Variants in SHROOM3 observed in about 807,000 individuals in gnomAD.
SHROOM3 encodes the protein protein Shroom3.
In SHROOM3, 47 loss-of-function variants were observed where a neutral mutation model predicts 138.6. The ratio of observed to expected loss-of-function variants is 0.34; its 90% CI spans 0.27 to 0.43. The LOEUF (loss-of-function observed/expected upper bound fraction) is 0.43, where lower values mean the gene tolerates loss of function less well. Among genes scored for constraint, SHROOM3 ranks in the 20% least tolerant of loss-of-function variants. The pLI, the probability that SHROOM3 is intolerant of heterozygous loss-of-function variation, is 1.00. For synonymous variants in SHROOM3, 1,062 were observed against 1,063.3 expected, an observed-to-expected ratio of 1.00 and a Z score of 0.02; for missense variants, 2,491 against 2,596.5, an observed-to-expected ratio of 0.96 and a Z score of 0.88.
intron 2 of SHROOM3, among the ~76,000 whole-genome samples, chr4:76,620,070 C>CAAAAAAA (rs68039696): frequency 2.8e-4 from 17 of 61,050 alleles, no homozygotes; most frequent in Admixed American, 1.1e-3. Context: ...GAATCTATCT[C>CAAAAAAA]AAAAAAAAAA....
At chr4:76,711,918 G>A (rs1720240698) in intron 3 of SHROOM3, among the ~76,000 whole-genome samples, 1 of 152,000 alleles carries the variant, frequency 6.6e-6, no homozygotes, top group Non-Finnish European at 1.5e-5. Flanking sequence ...TGAGAGTCAG[G>A]CCAAGAACAG....
At chr4:76,652,441 C>A (rs544197752) in intron 2 of SHROOM3, among the ~76,000 whole-genome samples, 1 of 152,190 alleles carries the variant, frequency 6.6e-6, no homozygotes, top group East Asian at 1.9e-4. Context: ...CTGTCATGCA[C>A]CCATCTCCAA....
At chr4:76,513,762 C>T (rs972404054) in intron 1 of SHROOM3, among the ~76,000 whole-genome samples, 1 of 152,176 alleles carries the variant, frequency 6.6e-6, no homozygotes, top group Non-Finnish European at 1.5e-5. Flanking sequence ...ATATCTCTGA[C>T]CTTAGCTGGC....
At chr4:76,650,578 T>C (rs1315617446) in intron 2 of SHROOM3, among the ~76,000 whole-genome samples, 1 of 151,754 alleles carries the variant, frequency 6.6e-6, no homozygotes, top group East Asian at 1.9e-4. Flanking sequence ...GGAGTCTTGC[T>C]CTGTCACCCA....
intron 5 of SHROOM3, among the ~76,000 whole-genome samples, chr4:76,746,817 T>TATG: frequency 7.1e-6 from 1 of 141,360 alleles, no homozygotes; most frequent in Non-Finnish European, 1.5e-5. Flanking sequence ...TTATTATTAT[T>TATG]ATTATTATTA....
At chr4:76,681,644 G>GT (rs1719204010) in intron 2 of SHROOM3, among the ~76,000 whole-genome samples, 1 of 19,682 alleles carries the variant, frequency 5.1e-5, no homozygotes, top group Non-Finnish European at 9.7e-5. Flanking sequence ...TATGTGTCTG[G>GT]ATGAGATTGA....
chr4:76,721,570 G>T (rs4859458), intron 3 of SHROOM3, among the ~76,000 whole-genome samples: 49,955 of 151,966 alleles, frequency 0.33, 9,631 homozygotes, highest in East Asian at 0.53. Context: ...TGAGAAGGGG[G>T]TCTCAGTTTT....
At chr4:76,631,203 C>CT (rs71212436) in intron 2 of SHROOM3, among the ~76,000 whole-genome samples, 1,761 of 104,102 alleles carry the variant, frequency 0.017, 109 homozygotes, top group African/African-American at 0.056. Flanking sequence ...TTTTTTTAAT[C>CT]TTTTTTTTTT....
intron 2 of SHROOM3, among the ~76,000 whole-genome samples, chr4:76,591,342 C>T (rs1349755918): frequency 1.3e-5 from 2 of 152,122 alleles, no homozygotes; most frequent in Non-Finnish European, 2.9e-5. Context: ...ATCTGAATGG[C>T]GTCTATAAAG....
intron 4 of SHROOM3, 34 bp from the exon 5 acceptor site, chr4:76,738,727 C>G (rs1721154205): frequency 2.5e-6 from 4 of 1,611,550 alleles, no homozygotes; most frequent in Non-Finnish European, 3.4e-6. Flanking sequence ...ATGATAACAG[C>G]TCAGTGGTAC....
At chr4:76,453,393 C>T (rs2109971055) in intron 1 of SHROOM3, among the ~76,000 whole-genome samples, 1 of 152,062 alleles carries the variant, frequency 6.6e-6, no homozygotes, top group South Asian at 2.1e-4. Flanking sequence ...ATCCTCCTGC[C>T]TCAGCCTCCA....
chr4:76,724,154 G>A (rs1476976085), intron 3 of SHROOM3, among the ~76,000 whole-genome samples: 1 of 152,174 alleles, frequency 6.6e-6, no homozygotes, highest in African/African-American at 2.4e-5. Context: ...CCCATCCCAC[G>A]CAGTTAAGCT....
intron 2 of SHROOM3, among the ~76,000 whole-genome samples, chr4:76,672,931 A>G (rs1324276767): frequency 6.6e-6 from 1 of 152,154 alleles, no homozygotes; most frequent in African/African-American, 2.4e-5. Flanking sequence ...ATTCTGCCTC[A>G]TTGCCCTTAA....
chr4:76,549,695 T>C, intron 1 of SHROOM3, among the ~76,000 whole-genome samples: 1 of 152,110 alleles, frequency 6.6e-6, no homozygotes, highest in Non-Finnish European at 1.5e-5. Context: ...GCAACCAAGT[T>C]TATTGTAGGA....
chr4:76,474,234 A>AAATCCAT (rs1419611610), intron 1 of SHROOM3, among the ~76,000 whole-genome samples: 1 of 152,258 alleles, frequency 6.6e-6, no homozygotes, highest in African/African-American at 2.4e-5. Flanking sequence ...CAGAATAAGC[A>AAATCCAT]AATCCATAAA....
chr4:76,460,313 T>C lies in SHROOM3; in HGVS notation c.168+24093T>C, dbSNP rs141739222. ...CTCTTATGTATAATCTGGTATAGCA[T>C]AGTGATTAAAAGCACAAGCTGTAGA... On this transcript the variant is annotated intron_variant, in intron 1 of 10. Transcript: ENST00000296043. Among the ~76,000 whole-genome samples, 179 of 152,272 alleles carry C rather than the reference T, an allele frequency of 1.2e-3. 1 individual carries two copies. The Middle Eastern group carries it at 0.034, about 29-fold the overall frequency.
intron 1 of SHROOM3, among the ~76,000 whole-genome samples, chr4:76,465,054 T>C (rs1376655380): frequency 6.6e-6 from 1 of 152,218 alleles, no homozygotes; most frequent in Non-Finnish European, 1.5e-5. Flanking sequence ...TTCACAACCA[T>C]TATATAGAAT....
chr4:76,465,078 A>G (rs1158601849), intron 1 of SHROOM3, among the ~76,000 whole-genome samples: 1 of 152,250 alleles, frequency 6.6e-6, no homozygotes, highest in Non-Finnish European at 1.5e-5. Flanking sequence ...TCAAGGATAT[A>G]TAGAATCTTT....
At chr4:76,753,999 G>A (rs1721717942) in intron 6 of SHROOM3, among the ~76,000 whole-genome samples, 1 of 152,224 alleles carries the variant, frequency 6.6e-6, no homozygotes, top group Non-Finnish European at 1.5e-5. Context: ...CCTGAAGCCT[G>A]TCCTCAAAAG....
Sources: gnomAD v4.1 joint callset for allele counts (sites outside exome capture counted in the v4.1 genomes callset) on GRCh38, gnomAD v4.1.1 for gene constraint, MANE v1.5 for transcripts, NCBI Gene and HGNC (gene_info 2026-07-23, HGNC 2026-07-21) for gene names.